Variants in CLINT1 observed in about 807,000 individuals in gnomAD.
CLINT1 encodes clathrin interacting protein localized in the trans-Golgi region.
CLINT1 carries 15 observed loss-of-function variants against 70.4 expected under a neutral mutation model. That is an observed-to-expected ratio of 0.21 (90% CI 0.14 to 0.33). The LOEUF is 0.33. Among genes scored for constraint, CLINT1 ranks in the 10% least tolerant of loss-of-function variants. The pLI is 1.00. For synonymous variants in CLINT1, 227 were observed against 254.7 expected (o/e 0.89, Z 1.04); for missense variants, 615 against 778.1 (o/e 0.79, Z 2.49).
intron 1 of CLINT1, among the ~76,000 whole-genome samples, chr5:157,827,427 A>G (rs189352660): frequency 5.3e-5 from 8 of 152,304 alleles, no homozygotes; most frequent in African/African-American, 1.9e-4. Flanking sequence ...TAATGCCTCA[A>G]AAAATATAGG....
chr5:157,811,704 G>C (rs745644732), intron 5 of CLINT1, among the ~76,000 whole-genome samples: 1 of 152,138 alleles, frequency 6.6e-6, no homozygotes, highest in Non-Finnish European at 1.5e-5. Context: ...TTGTGACTGA[G>C]TTTGAAAACG....
chr5:157,792,052 T>C, intron 9 of CLINT1, 57 bp from the exon 10 acceptor site: 3 of 1,467,310 alleles, frequency 2.0e-6, no homozygotes, highest in Non-Finnish European at 2.8e-6. Flanking sequence ...AGAACAAATG[T>C]AACAATCTAT....
intron 1 of CLINT1, among the ~76,000 whole-genome samples, chr5:157,821,287 T>C (rs1337649817): frequency 6.6e-6 from 1 of 152,168 alleles, no homozygotes; most frequent in African/African-American, 2.4e-5. Flanking sequence ...CCACAAAATA[T>C]CTAATGATTT....
intron 1 of CLINT1, among the ~76,000 whole-genome samples, chr5:157,837,647 T>C (rs138960932): frequency 0.02 from 2,062 of 103,458 alleles, 62 homozygotes; most frequent in African/African-American, 0.065. Context: ...CAAGCTCTTT[T>C]ACTTTTTTTT....
intron 5 of CLINT1, among the ~76,000 whole-genome samples, chr5:157,812,347 G>A (rs1248509294): frequency 6.6e-6 from 1 of 152,192 alleles, no homozygotes; most frequent in Non-Finnish European, 1.5e-5. Flanking sequence ...GAGATTGTCA[G>A]AGCTCACAGA....
Position 157,786,354 on chromosome 5 carries a change from T to C in CLINT1, c.*1292A>G, listed in dbSNP as rs1009002027. 2 of 152,534 alleles carry C rather than the reference T, an allele frequency of 1.3e-5. No homozygotes were observed. Among genetic ancestry groups the C allele is most frequent in the Non-Finnish European group, 2.9e-5 (2 of 68,004 alleles). 9.4% of individuals were successfully genotyped at this position (152,534 alleles called of 1,614,324 possible). The stretch of plus-strand genomic sequence containing the variant: ...TATGAATATAATGGAAATAAAGTTT[T>C]ATCAATTTAATAAAAAAATTTTCAA... On this transcript the variant is annotated 3_prime_UTR_variant, in exon 12 of 12. Coordinates refer to ENST00000411809, the MANE Select transcript of CLINT1 (RefSeq NM_014666.4).
chr5:157,803,769 A>G, intron 7 of CLINT1, 50 bp from the exon 8 acceptor site: 1 of 1,351,608 alleles, frequency 7.4e-7, no homozygotes. Flanking sequence ...GTTTTTCTAA[A>G]AATCAGCTCT....
intron 8 of CLINT1, among the ~76,000 whole-genome samples, chr5:157,800,206 A>G (rs1250352115): frequency 2.0e-5 from 3 of 152,284 alleles, no homozygotes; most frequent in South Asian, 2.1e-4. Context: ...TACCATATAT[A>G]CTTTTGAGAA....
intron 9 of CLINT1, among the ~76,000 whole-genome samples, chr5:157,793,577 G>A (rs74367467): frequency 1.8e-3 from 272 of 152,278 alleles, no homozygotes; most frequent in African/African-American, 6.0e-3. Context: ...CAAATTATTT[G>A]CATAGTAGGC....
At chr5:157,857,328 T>C (rs1029799395) in intron 1 of CLINT1, among the ~76,000 whole-genome samples, 1 of 151,952 alleles carries the variant, frequency 6.6e-6, no homozygotes, top group Non-Finnish European at 1.5e-5. Context: ...AAAATGCCAA[T>C]GAACCTAGAT....
chr5:157,789,099 G>C (rs1448027848), intron 11 of CLINT1, among the ~76,000 whole-genome samples: 1 of 151,552 alleles, frequency 6.6e-6, no homozygotes, highest in Non-Finnish European at 1.5e-5. Context: ...AATCTGTATA[G>C]CAAATTTTTA....
chr5:157,850,187 A>G (rs1168758126), intron 1 of CLINT1, among the ~76,000 whole-genome samples: 1 of 152,240 alleles, frequency 6.6e-6, no homozygotes, highest in Non-Finnish European at 1.5e-5. Flanking sequence ...CATTTGACTT[A>G]GTATTTTTAA....
chr5:157,859,134 A>T lies in CLINT1; in HGVS notation c.-164T>A. The T allele has an allele frequency of 1.6e-6, 1 of 633,038 alleles. No individual in the cohort carries two copies. The highest frequency in any genetic ancestry group is 2.6e-6 in the Non-Finnish European group (1 of 384,988). 39.2% of individuals were successfully genotyped at this position (633,038 alleles called of 1,614,324 possible). A position where few individuals can be genotyped will look rare whatever the true frequency, so the allele number is the denominator to read the frequency against. On this transcript the variant is annotated 5_prime_UTR_variant, in exon 1 of 12. Transcript: ENST00000411809. ...CCACAGCAGCGGCGCCGCCGGTGAC[A>T]CGTCGAGACGCGGCAGCACAGGCGC...
At position 157,803,632 on chromosome 5, in the gene CLINT1, GCCAA is replaced by G; in HGVS notation, c.1012+14_1012+17del. The G allele has an allele frequency of 6.3e-6, 9 of 1,435,618 alleles. No individual in the cohort carries two copies. The highest frequency in any genetic ancestry group is 8.3e-6 in the Non-Finnish European group (9 of 1,079,074). 88.9% of individuals were successfully genotyped at this position (1,435,618 alleles called of 1,614,324 possible). On this transcript the variant is annotated intron_variant, in intron 8 of 11. Coordinates refer to ENST00000411809, the MANE Select transcript of CLINT1 (RefSeq NM_014666.4). Reference sequence around the variant, plus strand: ...AATGACTCTCAAACCAAAAGAAAAGGCCAATGTAGAAGCTTACCTGTTGACTGGC... The same window carrying G: ...AATGACTCTCAAACCAAAAGAAAAGGTGTAGAAGCTTACCTGTTGACTGGC...
chr5:157,807,507 A>G (rs3777055), intron 6 of CLINT1, among the ~76,000 whole-genome samples: 20,349 of 152,092 alleles, frequency 0.13, 1,785 homozygotes, highest in African/African-American at 0.25. Context: ...ATAGTGAACT[A>G]ATAAGTATGA....
chr5:157,843,112 A>T (rs1251864195), intron 1 of CLINT1, among the ~76,000 whole-genome samples: 1 of 152,166 alleles, frequency 6.6e-6, no homozygotes, highest in East Asian at 1.9e-4. Flanking sequence ...ATGATAAGAT[A>T]GCCACTAAAA....
rs367767172 is a variant in CLINT1, at chr5:157,802,838, G to A, written c.1012+812C>T. ...TGGGATTACAGGGGTCAGCCACCAC[G>A]CCCAGCCGCCCTCTTTAAATATGTT... is the stretch of plus-strand genomic sequence containing the variant. On this transcript the variant is annotated intron_variant, in intron 8 of 11. Coordinates refer to ENST00000411809, the MANE Select transcript of CLINT1 (RefSeq NM_014666.4). Among the ~76,000 whole-genome samples the A allele has an allele frequency of 1.4e-4, 22 of 152,260 alleles. 1 individual carries two copies. Among genetic ancestry groups the A allele is most frequent in the Admixed American group, 7.2e-4 (11 of 15,302 alleles).
intron 10 of CLINT1, chr5:157,790,526 A>C: frequency 2.7e-6 from 1 of 370,878 alleles, no homozygotes; most frequent in South Asian, 2.1e-5. Context: ...TACAATTAAG[A>C]CTGCAAATAA....
At chr5:157,797,122 A>G (rs550906540) in intron 8 of CLINT1, among the ~76,000 whole-genome samples, 1 of 152,356 alleles carries the variant, frequency 6.6e-6, no homozygotes, top group East Asian at 1.9e-4. Context: ...ACAAGCACAC[A>G]TATTAATAAA....
Sources: allele counts gnomAD v4.1 joint callset (sites outside exome capture counted in the v4.1 genomes callset), GRCh38; gene constraint gnomAD v4.1.1; transcripts MANE v1.5; gene names NCBI Gene and HGNC (gene_info 2026-07-23, HGNC 2026-07-21).